PMP22: variants seen among roughly 807,000 people sequenced by gnomAD.
PMP22 encodes the protein peripheral myelin protein 22, also known as Charcot-Marie-Tooth neuropathy 1A (greatly reduced nerve conduction velocity, hereditary motor sensory neuropathy Ia).
Under a neutral mutation model 18.9 loss-of-function variants are expected in PMP22, and 2 were observed. That is an observed-to-expected ratio of 0.11 (90% CI 0.04 to 0.33). The LOEUF (loss-of-function observed/expected upper bound fraction) is 0.33. PMP22 is among the 10% of genes least tolerant of loss of function. The probability of loss-of-function intolerance (pLI) is 1.00; values close to 1 mark genes in which losing one functional copy is unlikely to be tolerated. For synonymous variants in PMP22, 95 were observed against 89.2 expected (o/e 1.07, Z -0.37); for missense variants, 169 against 202.2 (o/e 0.84, Z 1.00).
rs146155848 is a variant in PMP22 at position 15,233,291 on chromosome 17, G to A, written c.320-2211C>T. On this transcript the variant is annotated intron_variant, in intron 4 of 4. Coordinates refer to ENST00000312280, the MANE Select transcript of PMP22 (RefSeq NM_000304.4). ...GATGTTCTGCTCTTTGGCAATGACC[G>A]GGACTCCCTGGTAGGGGCCTGAGTC... 8.0e-3 allele frequency among the ~76,000 whole-genome samples: 1,224 copies of A among 152,304 alleles called. 21 individuals are homozygous for A. Among genetic ancestry groups the A allele is most frequent in the African/African-American group, 0.028 (1,154 of 41,552 alleles).
chr17:15,250,534 C>T (rs1908244663), intron 3 of PMP22, among the ~76,000 whole-genome samples: 1 of 152,136 alleles, frequency 6.6e-6, no homozygotes, highest in African/African-American at 2.4e-5. Flanking sequence ...AAATATAAAT[C>T]CTGATTTCTA....
intron 3 of PMP22, among the ~76,000 whole-genome samples, chr17:15,256,888 G>A (rs1195138739): frequency 6.6e-6 from 1 of 152,208 alleles, no homozygotes; most frequent in Admixed American, 6.5e-5. Flanking sequence ...GTGCTGCCAC[G>A]TTGGGGAAGA....
intron 3 of PMP22, among the ~76,000 whole-genome samples, chr17:15,254,241 T>C (rs1280235467): frequency 6.6e-6 from 1 of 152,184 alleles, no homozygotes; most frequent in African/African-American, 2.4e-5. Context: ...AGGTTTGTGC[T>C]TTTTTAAATA....
intron 3 of PMP22, among the ~76,000 whole-genome samples, chr17:15,251,860 T>G (rs1908382991): frequency 6.6e-6 from 1 of 152,012 alleles, no homozygotes; most frequent in African/African-American, 2.4e-5. Flanking sequence ...GAAGTTTTTT[T>G]AAAGCAAAGA....
In PMP22 at chr17:15,260,781, C is replaced by T. The variant is rs1181243676; in HGVS notation, c.-34-20G>A. The T allele has an allele frequency of 4.1e-6, 6 of 1,468,966 alleles. No homozygotes were observed. The South Asian group carries it at 4.9e-5, about 12-fold the overall frequency. The allele number at this position is 1,468,966 out of a possible 1,614,324, so 91.0% of individuals were successfully genotyped here. A position where few individuals can be genotyped will look rare whatever the true frequency, so the allele number is the denominator to read the frequency against. On this transcript the variant is annotated intron_variant, in intron 1 of 4. Coordinates refer to ENST00000312280, the MANE Select transcript of PMP22 (RefSeq NM_000304.4). ...TTCTGCCTGCGAGGAGAGCGCTGGG[C>T]GTGAGGCCGAACGCACTGGGCCGAG...
At chr17:15,247,278 A>AGAATGG (rs1340515814) in intron 3 of PMP22, among the ~76,000 whole-genome samples, 1 of 152,036 alleles carries the variant, frequency 6.6e-6, no homozygotes, top group Non-Finnish European at 1.5e-5. Context: ...CTGAGGCAGG[A>AGAATGG]GAATGGTGTG....
intron 3 of PMP22, among the ~76,000 whole-genome samples, chr17:15,241,807 G>A (rs1254720429): frequency 6.6e-6 from 1 of 152,110 alleles, no homozygotes; most frequent in East Asian, 1.9e-4. Context: ...TATTCAATGA[G>A]CATTTGTTGA....
At chr17:15,234,708 C>T (rs1043394125) in intron 4 of PMP22, among the ~76,000 whole-genome samples, 6 of 152,144 alleles carry the variant, frequency 3.9e-5, no homozygotes, top group African/African-American at 9.7e-5. Context: ...CATAATCATC[C>T]GTCCCTAACA....
chr17:15,231,998 C>T lies in PMP22; in HGVS notation c.320-918G>A, dbSNP rs529750936. ...GGTCCAGTGATGTCAGCACCCCAGCCTGGAGCTGCACAAAGCCTGGTCTGT... is the reference window on the plus strand; with the variant it reads ...GGTCCAGTGATGTCAGCACCCCAGCTTGGAGCTGCACAAAGCCTGGTCTGT... On this transcript the variant is annotated intron_variant, in intron 4 of 4. Transcript: ENST00000312280. 5.5e-4 allele frequency among the ~76,000 whole-genome samples: 84 copies of T among 152,214 alleles called. No individual in the cohort carries two copies. The Middle Eastern group carries it at 0.01, about 18-fold the overall frequency.
rs116386897 is a variant in PMP22, at chr17:15,251,278, A to G, written c.178+7816T>C. 4.4e-3 allele frequency among the ~76,000 whole-genome samples: 670 copies of G among 152,144 alleles called. 4 individuals are homozygous for G. Among genetic ancestry groups the G allele is most frequent in the African/African-American group, 0.015 (641 of 41,516 alleles). Reference sequence around the variant, plus strand: ...TCCAGTGATGACTTTCCATTGGATCACCCTATTTGTTTCCTGCAGAGCATG... The same window carrying G: ...TCCAGTGATGACTTTCCATTGGATCGCCCTATTTGTTTCCTGCAGAGCATG... On this transcript the variant is annotated intron_variant, in intron 3 of 4. Transcript: ENST00000312280.
intron 3 of PMP22, among the ~76,000 whole-genome samples, chr17:15,254,077 A>C (rs989634575): frequency 1.3e-5 from 2 of 152,192 alleles, no homozygotes; most frequent in Non-Finnish European, 2.9e-5. Flanking sequence ...CTGAAATTCC[A>C]AGATGAGGGG....
At chr17:15,237,999 G>GA (rs11345460) in intron 4 of PMP22, among the ~76,000 whole-genome samples, 22 of 142,244 alleles carry the variant, frequency 1.5e-4, no homozygotes, top group South Asian at 4.5e-4. Context: ...AAACGAGTGA[G>GA]AAAAAAAAAA....
chr17:15,249,578 G>A (rs553285022), intron 3 of PMP22, among the ~76,000 whole-genome samples: 18 of 152,250 alleles, frequency 1.2e-4, no homozygotes, highest in African/African-American at 3.9e-4. Flanking sequence ...AAGAGAGAGC[G>A]GCTTCCCTTA....
intron 1 of PMP22, among the ~76,000 whole-genome samples, chr17:15,264,026 C>T (rs1227642579): frequency 6.6e-6 from 1 of 152,136 alleles, no homozygotes; most frequent in African/African-American, 2.4e-5. Flanking sequence ...GTAATGCCTG[C>T]TTTAAAGGTT....
At chr17:15,259,797 A>AT (rs1486835636) in intron 2 of PMP22, among the ~76,000 whole-genome samples, 2 of 151,524 alleles carry the variant, frequency 1.3e-5, no homozygotes, top group African/African-American at 4.9e-5. Flanking sequence ...AAAAAAAAAA[A>AT]AATTAGCCAG....
chr17:15,247,255 A>G (rs923896666), intron 3 of PMP22, among the ~76,000 whole-genome samples: 5 of 150,272 alleles, frequency 3.3e-5, no homozygotes, highest in African/African-American at 1.2e-4. Flanking sequence ...TGTAGTCCCA[A>G]CTACTTGGGA....
chr17:15,231,085 G>A lies in PMP22; in HGVS notation c.320-5C>T, dbSNP rs756277009. 1.9e-6 allele frequency: 3 copies of A among 1,613,188 alleles called. No individual in the cohort carries two copies. The highest frequency in any genetic ancestry group is 1.7e-6 in the Non-Finnish European group (2 of 1,179,930). ...CAGCACTCATCACGCACAGACCTGG[G>A]GAAGGAGAGGGACAAGCTGGGTGAC... On this transcript the variant is annotated splice_region_variant and splice_polypyrimidine_tract_variant and intron_variant, in intron 4 of 4. Transcript: ENST00000312280.
chr17:15,233,903 A>G (rs895733157), intron 4 of PMP22, among the ~76,000 whole-genome samples: 11 of 152,200 alleles, frequency 7.2e-5, no homozygotes, highest in Non-Finnish European at 2.9e-5. Flanking sequence ...AGGGTCAGGA[A>G]AGAGAGGGCC....
At chr17:15,249,947 A>G (rs904300245) in intron 3 of PMP22, among the ~76,000 whole-genome samples, 20 of 152,114 alleles carry the variant, frequency 1.3e-4, no homozygotes, top group Non-Finnish European at 2.2e-4. Context: ...ACGGAGTCTC[A>G]CTCTGTCGCT....
Sources: gnomAD v4.1 joint callset for allele counts (sites outside exome capture counted in the v4.1 genomes callset) on GRCh38, gnomAD v4.1.1 for gene constraint, MANE v1.5 for transcripts, NCBI Gene and HGNC (gene_info 2026-07-23, HGNC 2026-07-21) for gene names.